Variants in ADAMTS20 observed in about 807,000 individuals in gnomAD.
ADAMTS20 encodes ADAM metallopeptidase with thrombospondin type 1 motif 20.
A neutral mutation model predicts 260.1 loss-of-function variants in ADAMTS20; 225 were observed. The ratio of observed to expected loss-of-function variants is 0.87; its 90% CI spans 0.78 to 0.97. The LOEUF (loss-of-function observed/expected upper bound fraction) is 0.97, where lower values mean the gene tolerates loss of function less well. ADAMTS20 is among the 50% of genes least tolerant of loss of function. ADAMTS20 has a pLI of 0.00. For synonymous variants in ADAMTS20, 802 were observed against 769.5 expected, an observed-to-expected ratio of 1.04 and a Z score of -0.70; for missense variants, 2,400 against 2,337.7, an observed-to-expected ratio of 1.03 and a Z score of -0.55.
In ADAMTS20 at chr12:43,452,322, A is replaced by C. The variant is rs1316269155; in HGVS notation, c.2031T>G (p.Thr677=). Residue 677 remains threonine, a synonymous_variant, in exon 14 of 39, where the codon ACT becomes ACG. Transcript: ENST00000389420. ...YLLKDMVEDG[T]PCGTETHDIC... is the part of the protein sequence containing the mutation. ...TGTCATGAGTTTCAGTTCCACAAGG[A>C]GTACCATCTTCAACCATATCCTTCA... The C allele has an allele frequency of 1.2e-6, 2 of 1,613,406 alleles. No individual in the cohort carries two copies. Among genetic ancestry groups the C allele is most frequent in the Admixed American group, 3.3e-5 (2 of 59,956 alleles).
chr12:43,449,238 T>G (rs896283280), intron 14 of ADAMTS20, among the ~76,000 whole-genome samples: 1 of 152,190 alleles, frequency 6.6e-6, no homozygotes, highest in South Asian at 2.1e-4. Flanking sequence ...TGAACCTAAG[T>G]GTCCATTAAT....
At chr12:43,501,494 C>CACACACACACACACACACAA (rs1420515081) in intron 4 of ADAMTS20, among the ~76,000 whole-genome samples, 2 of 151,342 alleles carry the variant, frequency 1.3e-5, no homozygotes, top group Non-Finnish European at 2.9e-5. Flanking sequence ...CACACACACA[C>CACACACACACACACACACAA]ACACACACAT....
intron 11 of ADAMTS20, among the ~76,000 whole-genome samples, chr12:43,461,903 T>C (rs751566936): frequency 7.9e-5 from 12 of 152,172 alleles, no homozygotes; most frequent in Middle Eastern, 3.2e-3. Flanking sequence ...CGTCCTAAAA[T>C]TACAAAAAGG....
chr12:43,424,141 A>G (rs986587338), intron 28 of ADAMTS20, among the ~76,000 whole-genome samples: 17 of 152,160 alleles, frequency 1.1e-4, no homozygotes, highest in African/African-American at 4.1e-4. Context: ...TAATTTTCAA[A>G]TAAAGAACCA....
intron 16 of ADAMTS20, among the ~76,000 whole-genome samples, chr12:43,442,526 G>A (rs1220684981): frequency 6.6e-6 from 1 of 152,088 alleles, no homozygotes; most frequent in Non-Finnish European, 1.5e-5. Context: ...CCAAAGTGCT[G>A]GGATTACAGG....
At chr12:43,519,080 G>A (rs1943037529) in intron 3 of ADAMTS20, among the ~76,000 whole-genome samples, 1 of 151,920 alleles carries the variant, frequency 6.6e-6, no homozygotes, top group Non-Finnish European at 1.5e-5. Flanking sequence ...TCTTTAAAAT[G>A]TGGACTGATT....
At chr12:43,411,399 C>T (rs1328867145) in intron 28 of ADAMTS20, among the ~76,000 whole-genome samples, 5 of 152,104 alleles carry the variant, frequency 3.3e-5, no homozygotes, top group African/African-American at 1.2e-4. Context: ...CAAAGTTTCG[C>T]TCTTGTTGCC....
intron 4 of ADAMTS20, among the ~76,000 whole-genome samples, chr12:43,494,003 T>G (rs1174121257): frequency 6.6e-6 from 1 of 152,208 alleles, no homozygotes. Context: ...TCCCATTCGC[T>G]AATTCATATT....
At chr12:43,440,539 T>A (rs964443276) in intron 16 of ADAMTS20, among the ~76,000 whole-genome samples, 4 of 152,222 alleles carry the variant, frequency 2.6e-5, no homozygotes, top group Non-Finnish European at 5.9e-5. Context: ...TTTACTGTAA[T>A]GTGGGATTTT....
intron 3 of ADAMTS20, among the ~76,000 whole-genome samples, chr12:43,529,196 T>C (rs534402311): frequency 6.6e-6 from 1 of 152,180 alleles, no homozygotes; most frequent in South Asian, 2.1e-4. Context: ...CTGATACACT[T>C]CTGATGGGAA....
At chr12:43,388,059 C>G (rs748339055) in intron 29 of ADAMTS20, among the ~76,000 whole-genome samples, 1 of 151,830 alleles carries the variant, frequency 6.6e-6, no homozygotes, top group Non-Finnish European at 1.5e-5. Flanking sequence ...GCTGGCATTC[C>G]GGGTGCCACG....
chr12:43,431,940 G>A (rs1180826052), intron 21 of ADAMTS20, among the ~76,000 whole-genome samples: 1 of 150,352 alleles, frequency 6.7e-6, no homozygotes, highest in African/African-American at 2.5e-5. Flanking sequence ...TCAGCTTACC[G>A]CAATCTCTGC....
At chr12:43,513,939 T>G (rs1364958543) in intron 3 of ADAMTS20, among the ~76,000 whole-genome samples, 1 of 150,452 alleles carries the variant, frequency 6.6e-6, no homozygotes, top group Non-Finnish European at 1.5e-5. Context: ...AGGGATAGCA[T>G]TAGGAGATAT....
intron 37 of ADAMTS20, among the ~76,000 whole-genome samples, chr12:43,367,010 C>A (rs1326748280): frequency 6.6e-6 from 1 of 151,760 alleles, no homozygotes; most frequent in African/African-American, 2.4e-5. Flanking sequence ...AATTCAAGAA[C>A]AACAAAAATT....
At chr12:43,428,585 C>G in intron 25 of ADAMTS20, 50 bp downstream of exon 25, 2 of 1,475,434 alleles carry the variant, frequency 1.4e-6, no homozygotes, top group Non-Finnish European at 1.8e-6. Context: ...TATTTAATAT[C>G]AAATATATTT....
At chr12:43,380,668 T>C (rs1283979957) in intron 31 of ADAMTS20, among the ~76,000 whole-genome samples, 2 of 151,978 alleles carry the variant, frequency 1.3e-5, no homozygotes, top group Non-Finnish European at 1.5e-5. Flanking sequence ...TTACAGAATA[T>C]AAAAAATACT....
chr12:43,423,249 A>AG lies in ADAMTS20; in HGVS notation c.4284+2264dup, dbSNP rs559293575. On this transcript the variant is annotated intron_variant, in intron 28 of 38. Transcript: ENST00000389420. ...ACTGCTGTAGTGCAAAACCAGCCAT[A>AG]GATAACACGTAAACAAATGAGCATG... 2.0e-4 allele frequency: 31 copies of AG among 154,730 alleles called. No homozygotes were observed. The South Asian group carries it at 6.2e-3, about 31-fold the overall frequency. The allele number at this position is 154,730 out of a possible 1,614,324, so 9.6% of individuals were successfully genotyped here.
chr12:43,394,081 C>T (rs1487637652), intron 29 of ADAMTS20, among the ~76,000 whole-genome samples: 1 of 152,044 alleles, frequency 6.6e-6, no homozygotes, highest in Non-Finnish European at 1.5e-5. Context: ...CTGTGGCAGC[C>T]ATTTTATGAC....
At chr12:43,457,118 A>G (rs992815424) in intron 11 of ADAMTS20, among the ~76,000 whole-genome samples, 2 of 152,212 alleles carry the variant, frequency 1.3e-5, no homozygotes, top group Admixed American at 1.3e-4. Flanking sequence ...TTGACTTATC[A>G]GCAATGTGTG....
Sources: gnomAD v4.1 joint callset for allele counts (sites outside exome capture counted in the v4.1 genomes callset) on GRCh38, gnomAD v4.1.1 for gene constraint, MANE v1.5 for transcripts, NCBI Gene and HGNC (gene_info 2026-07-23, HGNC 2026-07-21) for gene names.